Variants in TMEM178B observed in about 807,000 individuals in gnomAD.
TMEM178B encodes the protein transmembrane protein 178B.
In TMEM178B, 5 loss-of-function variants were observed where a neutral mutation model predicts 31.0. The observed-to-expected ratio is 0.16, with a 90% CI of 0.08 to 0.34. The LOEUF (loss-of-function observed/expected upper bound fraction) is 0.34. TMEM178B is among the 10% of genes least tolerant of loss of function. The pLI is 1.00. For missense variants in TMEM178B, 275 were observed against 400.3 expected, an observed-to-expected ratio of 0.69 and a Z score of 2.67; for synonymous variants, 164 against 164.0, an observed-to-expected ratio of 1.00 and a Z score of 0.00.
intron 2 of TMEM178B, among the ~76,000 whole-genome samples, chr7:141,327,418 C>T (rs1361262796): frequency 6.6e-6 from 1 of 152,210 alleles, no homozygotes; most frequent in Admixed American, 6.5e-5. Context: ...ACCTCCCCCA[C>T]TATCAACATT....
intron 2 of TMEM178B, among the ~76,000 whole-genome samples, chr7:141,368,672 T>C (rs1428697646): frequency 6.6e-6 from 1 of 152,242 alleles, no homozygotes; most frequent in African/African-American, 2.4e-5. Flanking sequence ...TGAACATTAT[T>C]GTGGATAAAT....
intron 1 of TMEM178B, among the ~76,000 whole-genome samples, chr7:141,079,808 C>T (rs1451577071): frequency 1.3e-5 from 2 of 152,096 alleles, no homozygotes; most frequent in African/African-American, 4.8e-5. Context: ...TCATAATAAC[C>T]CTAGGAAGTA....
chr7:141,198,776 G>A (rs1047687376), intron 1 of TMEM178B, among the ~76,000 whole-genome samples: 2 of 152,214 alleles, frequency 1.3e-5, no homozygotes, highest in African/African-American at 2.4e-5. Flanking sequence ...TCGTTTGTCT[G>A]TCAGAGCCTG....
Position 141,422,089 on chromosome 7 carries a change from G to T in TMEM178B, c.497-15519G>T, listed in dbSNP as rs913887807. On this transcript the variant is annotated intron_variant, in intron 2 of 3. Transcript: ENST00000565468. This position sits in a 1 kb window ranked among gnomAD's most constrained non-coding sequence, Gnocchi z 4.2. ...CATTTTCTTAGAAACCTGCAATACG[G>T]AAAGAGATCTGTTCAGCTTCTTTAT... is the stretch of plus-strand genomic sequence containing the variant. Among the ~76,000 whole-genome samples the T allele has an allele frequency of 1.3e-5, 2 of 152,144 alleles. No individual in the cohort carries two copies. Among genetic ancestry groups the T allele is most frequent in the Non-Finnish European group, 2.9e-5 (2 of 68,030 alleles).
chr7:141,354,861 A>C (rs1419444068), intron 2 of TMEM178B, among the ~76,000 whole-genome samples: 1 of 152,178 alleles, frequency 6.6e-6, no homozygotes, highest in Admixed American at 6.5e-5. Context: ...TCAGGACTCC[A>C]GTGTCTTCTG....
At chr7:141,264,823 C>A (rs1347057339) in intron 2 of TMEM178B, among the ~76,000 whole-genome samples, 1 of 152,070 alleles carries the variant, frequency 6.6e-6, no homozygotes, top group African/African-American at 2.4e-5. Context: ...GTAGAGATAC[C>A]AAGTTGCATG....
intron 3 of TMEM178B, among the ~76,000 whole-genome samples, chr7:141,468,372 A>G (rs1053748054): frequency 6.6e-5 from 10 of 152,190 alleles, no homozygotes; most frequent in African/African-American, 2.4e-4. Flanking sequence ...GAGAGAAGGC[A>G]TCTGGAACCT....
chr7:141,330,534 T>C (rs2116489663), intron 2 of TMEM178B, among the ~76,000 whole-genome samples: 1 of 152,290 alleles, frequency 6.6e-6, no homozygotes, highest in Non-Finnish European at 1.5e-5. Context: ...TTGAAGGGCT[T>C]TTAATTGGAG....
At chr7:141,397,798 A>G (rs996432596) in intron 2 of TMEM178B, among the ~76,000 whole-genome samples, 1 of 152,222 alleles carries the variant, frequency 6.6e-6, no homozygotes, top group Admixed American at 6.5e-5. Flanking sequence ...CCTCATGTGT[A>G]ATGACAAGAA....
At chr7:141,493,282 G>T in the TMEM178B span, among the ~76,000 whole-genome samples, 1 of 152,200 alleles carries the variant, frequency 6.6e-6, no homozygotes, top group African/African-American at 2.4e-5. Context: ...TAGAGCCCTT[G>T]CTATGTGTAA....
intron 1 of TMEM178B, among the ~76,000 whole-genome samples, chr7:141,104,415 A>C (rs1795106946): frequency 6.6e-6 from 1 of 152,162 alleles, no homozygotes; most frequent in African/African-American, 2.4e-5. Context: ...GTGAGGAGGG[A>C]ACTACTGCAG....
At chr7:141,250,682 C>A (rs1320548656) in intron 2 of TMEM178B, among the ~76,000 whole-genome samples, 1 of 152,188 alleles carries the variant, frequency 6.6e-6, no homozygotes, top group African/African-American at 2.4e-5. Context: ...TAGCAAGAGG[C>A]TCCTGCTGAG....
chr7:141,269,846 C>A (rs978177498), intron 2 of TMEM178B, among the ~76,000 whole-genome samples: 1 of 152,196 alleles, frequency 6.6e-6, no homozygotes, highest in Admixed American at 6.5e-5. Context: ...AGGTGGATCA[C>A]TCGAGGCCAG....
At chr7:141,190,843 C>T (rs984474100) in intron 1 of TMEM178B, among the ~76,000 whole-genome samples, 2 of 152,166 alleles carry the variant, frequency 1.3e-5, no homozygotes, top group Admixed American at 1.3e-4. Context: ...AGTTTGCATC[C>T]AGAGATGTTT....
intron 2 of TMEM178B, among the ~76,000 whole-genome samples, chr7:141,427,899 A>G (rs1217751323): frequency 6.6e-6 from 1 of 152,234 alleles, no homozygotes; most frequent in Non-Finnish European, 1.5e-5. Context: ...AAAGCTTTGA[A>G]TAGACATTTC....
intron 3 of TMEM178B, among the ~76,000 whole-genome samples, chr7:141,440,170 G>A (rs181748097): frequency 6.6e-5 from 10 of 152,336 alleles, no homozygotes; most frequent in South Asian, 4.1e-4. Context: ...CCCTTGGACC[G>A]TGCTGAGGCA....
intron 2 of TMEM178B, among the ~76,000 whole-genome samples, chr7:141,390,556 G>A (rs1800516073): frequency 6.6e-6 from 1 of 152,236 alleles, no homozygotes; most frequent in Non-Finnish European, 1.5e-5. Context: ...TCCCAGTGGG[G>A]TTTGAAGAAC....
intron 1 of TMEM178B, among the ~76,000 whole-genome samples, chr7:141,210,456 T>G (rs1162977260): frequency 1.3e-5 from 2 of 151,880 alleles, no homozygotes; most frequent in Admixed American, 6.6e-5. Context: ...AGAGCAAAAC[T>G]CTCAATCAGT....
At chr7:141,485,162 G>A (rs1006741317), downstream of TMEM178B, among the ~76,000 whole-genome samples, 2 of 152,170 alleles carry the variant, frequency 1.3e-5, no homozygotes, top group African/African-American at 4.8e-5. Context: ...AGAGGAGCTT[G>A]CTTTTGCCTC....
Sources: gnomAD v4.1 joint callset for allele counts (sites outside exome capture counted in the v4.1 genomes callset) on GRCh38, gnomAD v4.1.1 for gene constraint, Gnocchi (gnomAD v3.1) non-coding constraint, MANE v1.5 for transcripts, NCBI Gene and HGNC (gene_info 2026-07-23, HGNC 2026-07-21) for gene names.